Variants in LRCH3 observed in about 807,000 individuals in gnomAD.
LRCH3 encodes leucine rich repeats and calponin homology domain containing 3.
In LRCH3, 68 loss-of-function variants were observed where a neutral mutation model predicts 104.5. The ratio of observed to expected loss-of-function variants is 0.65; its 90% CI spans 0.54 to 0.80. LRCH3 has a LOEUF of 0.80. LRCH3 is among the 30% of genes least tolerant of loss of function. The probability of loss-of-function intolerance (pLI) is 0.00; values close to 1 mark genes in which losing one functional copy is unlikely to be tolerated. For synonymous variants in LRCH3, 344 were observed against 361.3 expected (o/e 0.95, Z 0.54); for missense variants, 951 against 953.9 (o/e 1.00, Z 0.04).
At chr3:197,868,626 A>G (rs944592126) in intron 17 of LRCH3, among the ~76,000 whole-genome samples, 3 of 152,392 alleles carry the variant, frequency 2.0e-5, no homozygotes, top group Non-Finnish European at 4.4e-5. Context: ...GAATTGTGGT[A>G]TATTTGTACA....
chr3:197,794,496 A>G (rs1730971915), intron 1 of LRCH3, among the ~76,000 whole-genome samples: 1 of 152,248 alleles, frequency 6.6e-6, no homozygotes, highest in Non-Finnish European at 1.5e-5. Context: ...TAGACCTTAT[A>G]GAAAATTTAA....
At chr3:197,880,535 C>T (rs1713662487) in intron 20 of LRCH3, 2 of 1,536,310 alleles carry the variant, frequency 1.3e-6, no homozygotes, top group African/African-American at 1.4e-5. Flanking sequence ...CCCCTTCCGA[C>T]ATCCTTCAGC....
intron 20 of LRCH3, among the ~76,000 whole-genome samples, chr3:197,880,051 T>C (rs1392042384): frequency 3.3e-5 from 5 of 150,932 alleles, no homozygotes; most frequent in African/African-American, 1.2e-4. Context: ...GTTCCCGCCA[T>C]TCTCCTGCCT....
Position 197,815,014 on chromosome 3 carries a change from A to G in LRCH3, c.369A>G (p.Ala123=). 1 of 1,550,498 alleles carries G rather than the reference A, an allele frequency of 6.4e-7. No homozygotes were observed. Among genetic ancestry groups the G allele is most frequent in the Non-Finnish European group, 8.8e-7 (1 of 1,131,314 alleles). ...YQNCIRYIPE[A]ILNLQALTFL... is the part of the protein sequence containing the mutation. ...ATTGTATTCGTTATATTCCAGAGGC[A>G]ATTTTAAACCTACAAGCTCTAACAT... Residue 123 remains alanine, a synonymous_variant, in exon 2 of 21, where the codon GCA becomes GCG. Coordinates refer to ENST00000425562, the MANE Select transcript of LRCH3 (RefSeq NM_001365715.1).
intron 20 of LRCH3, chr3:197,881,760 A>T (rs975158095): frequency 9.1e-6 from 9 of 985,274 alleles, no homozygotes; most frequent in Non-Finnish European, 1.1e-5. Context: ...AATTGGGATA[A>T]AGGATGAACT....
intron 1 of LRCH3, among the ~76,000 whole-genome samples, chr3:197,798,269 TAAA>T (rs1560517470): frequency 6.7e-6 from 1 of 149,278 alleles, no homozygotes; most frequent in Non-Finnish European, 1.5e-5. Flanking sequence ...TCAAAAAAAA[TAAA>T]TAAATAAATA....
At chr3:197,815,392 G>T (rs1414260786) in intron 2 of LRCH3, among the ~76,000 whole-genome samples, 1 of 152,126 alleles carries the variant, frequency 6.6e-6, no homozygotes, top group African/African-American at 2.4e-5. Flanking sequence ...CTACAGTTGG[G>T]CAAAATCTTC....
At chr3:197,816,824 A>T (rs1733856162) in intron 2 of LRCH3, among the ~76,000 whole-genome samples, 1 of 152,144 alleles carries the variant, frequency 6.6e-6, no homozygotes, top group African/African-American at 2.4e-5. Context: ...TCCACCTTTT[A>T]AAAAATCTTT....
At position 197,820,320 on chromosome 3, in the gene LRCH3, A is replaced by G; in HGVS notation, c.535-5A>G. Reference sequence around the variant, plus strand: ...CAATCTTTATTTTGTATCTTTTCGAAATAGGATGTGAGCTGCAATGAAATT... The same window carrying G: ...CAATCTTTATTTTGTATCTTTTCGAGATAGGATGTGAGCTGCAATGAAATT... On this transcript the variant is annotated splice_region_variant and splice_polypyrimidine_tract_variant and intron_variant, in intron 3 of 20. Coordinates refer to ENST00000425562, the MANE Select transcript of LRCH3 (RefSeq NM_001365715.1). The G allele has an allele frequency of 6.3e-7, 1 of 1,592,590 alleles. No individual in the cohort carries two copies. The highest frequency in any genetic ancestry group is 8.6e-7 in the Non-Finnish European group (1 of 1,160,998).
At chr3:197,880,218 T>C (rs978725903) in intron 20 of LRCH3, among the ~76,000 whole-genome samples, 31 of 152,138 alleles carry the variant, frequency 2.0e-4, no homozygotes, top group African/African-American at 5.8e-4. Context: ...GTGCTGGGAT[T>C]ACAGGTGTGA....
intron 1 of LRCH3, among the ~76,000 whole-genome samples, chr3:197,797,180 T>C (rs534693457): frequency 6.6e-6 from 1 of 151,820 alleles, no homozygotes; most frequent in South Asian, 2.1e-4. Flanking sequence ...ATATAAAAAA[T>C]TAGCTGGGCG....
intron 5 of LRCH3, among the ~76,000 whole-genome samples, chr3:197,828,756 G>A (rs866524883): frequency 3.5e-5 from 5 of 142,576 alleles, no homozygotes; most frequent in South Asian, 4.4e-4. Context: ...TGCCCAGGCC[G>A]GAGTGCAATG....
chr3:197,842,192 T>C (rs1236091639), intron 10 of LRCH3, among the ~76,000 whole-genome samples: 1 of 152,152 alleles, frequency 6.6e-6, no homozygotes, highest in Non-Finnish European at 1.5e-5. Context: ...AAGAACTCCA[T>C]ACTTGATCCT....
At chr3:197,881,679 A>G (rs1428041728) in intron 20 of LRCH3, 1 of 985,346 alleles carries the variant, frequency 1.0e-6, no homozygotes, top group Non-Finnish European at 1.2e-6. Flanking sequence ...GGAAACTATA[A>G]TTGCGGTTAG....
At chr3:197,835,133 G>C (rs559691961) in intron 8 of LRCH3, among the ~76,000 whole-genome samples, 1 of 152,152 alleles carries the variant, frequency 6.6e-6, no homozygotes, top group East Asian at 1.9e-4. Flanking sequence ...GACAAAGGGA[G>C]ACCCTGTCTC....
chr3:197,814,861 A>G (rs924264364), intron 1 of LRCH3, 47 bp from the exon 2 acceptor site: 5 of 1,475,632 alleles, frequency 3.4e-6, no homozygotes, highest in African/African-American at 2.9e-5. Flanking sequence ...TTTCAATAAA[A>G]TAAGTTCCAA....
chr3:197,807,449 C>A (rs1290529109), intron 1 of LRCH3, among the ~76,000 whole-genome samples: 1 of 151,948 alleles, frequency 6.6e-6, no homozygotes, highest in African/African-American at 2.4e-5. Context: ...TCTCGATCTC[C>A]TGACCCTGTG....
chr3:197,808,491 A>G (rs1732750908), intron 1 of LRCH3, among the ~76,000 whole-genome samples: 1 of 152,218 alleles, frequency 6.6e-6, no homozygotes, highest in African/African-American at 2.4e-5. Flanking sequence ...CTTTTAGATT[A>G]CATCTGCTGC....
intron 1 of LRCH3, among the ~76,000 whole-genome samples, chr3:197,797,893 A>AAAAAAAAC (rs376623079): frequency 1.4e-5 from 2 of 146,752 alleles, no homozygotes; most frequent in African/African-American, 5.2e-5. Flanking sequence ...CAAAAAAAAA[A>AAAAAAAAC]ACAAAACCAG....
Sources: allele counts gnomAD v4.1 joint callset (sites outside exome capture counted in the v4.1 genomes callset), GRCh38; gene constraint gnomAD v4.1.1; transcripts MANE v1.5; gene names NCBI Gene and HGNC (gene_info 2026-07-23, HGNC 2026-07-21).